Variants in ANO6 observed in about 807,000 individuals in gnomAD.
The protein encoded by ANO6 is anoctamin 6.
ANO6 carries 106 observed loss-of-function variants against 117.5 expected under a neutral mutation model. The ratio of observed to expected loss-of-function variants is 0.90; its 90% CI spans 0.77 to 1.06. The LOEUF is 1.06. Among genes scored for constraint, ANO6 ranks in the 50% least tolerant of loss-of-function variants. The probability of loss-of-function intolerance (pLI) is 0.00; values close to 1 mark genes in which losing one functional copy is unlikely to be tolerated. For synonymous variants in ANO6, 367 were observed against 385.1 expected (o/e 0.95, Z 0.55); for missense variants, 955 against 1,121.1 (o/e 0.85, Z 2.12).
intron 3 of ANO6, among the ~76,000 whole-genome samples, chr12:45,345,302 A>G (rs1159746902): frequency 6.6e-6 from 1 of 152,132 alleles, no homozygotes; most frequent in Admixed American, 6.5e-5. Flanking sequence ...TTACTTTTTG[A>G]CCTTTGGTCT....
At chr12:45,345,810 T>G (rs371728497) in intron 3 of ANO6, among the ~76,000 whole-genome samples, 26 of 152,122 alleles carry the variant, frequency 1.7e-4, no homozygotes, top group African/African-American at 4.8e-4. Context: ...GTCCATTTTG[T>G]GCTGCTGTAA....
In ANO6 at chr12:45,367,929, G is replaced by C. The variant is rs990254431; in HGVS notation, c.1104+136G>C. On this transcript the variant is annotated intron_variant, in intron 9 of 19. Transcript: ENST00000320560. ...TTTCAACTAACCTTTCAAACATTCTGGACATTAATATACAATGCTTTATTC... is the reference window on the plus strand; with the variant it reads ...TTTCAACTAACCTTTCAAACATTCTCGACATTAATATACAATGCTTTATTC... 4 of 699,750 alleles carry C rather than the reference G, an allele frequency of 5.7e-6. No individual in the cohort carries two copies. The African/African-American group carries it at 7.2e-5, about 13-fold the overall frequency. The allele number at this position is 699,750 out of a possible 1,614,324, so 43.3% of individuals were successfully genotyped here.
intron 10 of ANO6, among the ~76,000 whole-genome samples, chr12:45,381,282 A>G (rs574200966): frequency 1.9e-4 from 29 of 152,308 alleles, no homozygotes; most frequent in African/African-American, 6.5e-4. Flanking sequence ...GTTCCAGACA[A>G]CCTTTCTCTT....
intron 18 of ANO6, among the ~76,000 whole-genome samples, chr12:45,422,069 A>G (rs1366511585): frequency 2.0e-5 from 3 of 152,194 alleles, no homozygotes; most frequent in African/African-American, 7.2e-5. Flanking sequence ...GCCTCTTTAC[A>G]ATTCTGCATC....
chr12:45,352,003 G>A (rs916236378), intron 7 of ANO6, among the ~76,000 whole-genome samples: 84 of 152,032 alleles, frequency 5.5e-4, no homozygotes, highest in Admixed American at 2.8e-3. Context: ...GGGGAGTCGG[G>A]TCGACAGGAC....
chr12:45,393,798 G>A (rs1942526862), intron 12 of ANO6, among the ~76,000 whole-genome samples: 2 of 152,162 alleles, frequency 1.3e-5, no homozygotes, highest in South Asian at 4.1e-4. Context: ...CAAATGCTGA[G>A]ACATTTTGTC....
intron 12 of ANO6, among the ~76,000 whole-genome samples, chr12:45,393,760 A>G (rs1942525857): frequency 6.6e-6 from 1 of 152,202 alleles, no homozygotes; most frequent in Admixed American, 6.5e-5. Context: ...TCATAAGTGA[A>G]GGAGAAATAA....
intron 1 of ANO6, among the ~76,000 whole-genome samples, chr12:45,268,583 A>G (rs1938294124): frequency 1.3e-5 from 2 of 152,190 alleles, no homozygotes; most frequent in South Asian, 2.1e-4. Context: ...GAAAAAAATA[A>G]TGAAGAGCTA....
At chr12:45,239,719 T>C (rs1172443361) in intron 1 of ANO6, among the ~76,000 whole-genome samples, 1 of 152,214 alleles carries the variant, frequency 6.6e-6, no homozygotes, top group Non-Finnish European at 1.5e-5. Context: ...CTGCTTTAAA[T>C]GTGTCCCAGA....
intron 7 of ANO6, 135 bp downstream of exon 7, chr12:45,350,909 G>A (rs1941264123): frequency 8.4e-6 from 6 of 716,420 alleles, no homozygotes; most frequent in South Asian, 3.1e-5. Flanking sequence ...CGTTGGCCAG[G>A]GTTTTTATTG....
chr12:45,406,688 A>G (rs1039828768), intron 15 of ANO6, among the ~76,000 whole-genome samples: 6 of 152,204 alleles, frequency 3.9e-5, no homozygotes, highest in Non-Finnish European at 5.9e-5. Context: ...TCCTAAATAT[A>G]GGTGTCCCTC....
At chr12:45,350,344 C>T (rs529631724) in intron 6 of ANO6, among the ~76,000 whole-genome samples, 1 of 151,996 alleles carries the variant, frequency 6.6e-6, no homozygotes, top group Non-Finnish European at 1.5e-5. Context: ...TTGGGTGGCC[C>T]AATTTTTCAT....
rs900298674 is a variant in ANO6, at chr12:45,333,385, A to G, written c.279+1962A>G. On this transcript the variant is annotated intron_variant, in intron 3 of 19. Transcript: ENST00000320560. The stretch of plus-strand genomic sequence containing the variant: ...AGTCACCATCATCAAATATTCATTA[A>G]GTATCCATATGCCAATGGATCTGGA... Among the ~76,000 whole-genome samples the G allele has an allele frequency of 4.6e-5, 7 of 152,208 alleles. No individual in the cohort carries two copies. The East Asian group carries it at 9.7e-4, about 21-fold the overall frequency.
intron 1 of ANO6, among the ~76,000 whole-genome samples, chr12:45,222,620 C>T (rs1366362801): frequency 1.3e-5 from 2 of 152,170 alleles, no homozygotes; most frequent in African/African-American, 4.8e-5. Context: ...CAGAAGCAGG[C>T]CTCAGAAAAC....
At chr12:45,408,973 C>T (rs1253169292) in intron 15 of ANO6, among the ~76,000 whole-genome samples, 1 of 151,942 alleles carries the variant, frequency 6.6e-6, no homozygotes, top group Non-Finnish European at 1.5e-5. Flanking sequence ...ACAGCACTTA[C>T]CACCAGCTCA....
chr12:45,367,811 C>T lies in ANO6; in HGVS notation c.1104+18C>T. ...CCTCAAAGGTAATTTTTGCTATTGC[C>T]AATATTTACACCTAATGAAAGATTT... On this transcript the variant is annotated intron_variant, in intron 9 of 19. Transcript: ENST00000320560. The T allele has an allele frequency of 6.4e-7, 1 of 1,552,332 alleles. No homozygotes were observed. Among genetic ancestry groups the T allele is most frequent in the Non-Finnish European group, 8.9e-7 (1 of 1,124,400 alleles).
chr12:45,368,678 A>G (rs1183819589), intron 9 of ANO6, among the ~76,000 whole-genome samples: 1 of 152,186 alleles, frequency 6.6e-6, no homozygotes, highest in African/African-American at 2.4e-5. Flanking sequence ...ATCCTGACCT[A>G]CGCTTCCCTC....
At chr12:45,381,451 G>T (rs775249552) in intron 10 of ANO6, among the ~76,000 whole-genome samples, 1 of 152,186 alleles carries the variant, frequency 6.6e-6, no homozygotes, top group Non-Finnish European at 1.5e-5. Context: ...ATTTCTGTCT[G>T]TGATCATGCA....
At chr12:45,303,526 A>G (rs1004689326) in intron 2 of ANO6, among the ~76,000 whole-genome samples, 5 of 152,196 alleles carry the variant, frequency 3.3e-5, no homozygotes, top group African/African-American at 9.6e-5. Flanking sequence ...TGGTAAACCT[A>G]TACATAGTTC....
Sources: allele counts gnomAD v4.1 joint callset (sites outside exome capture counted in the v4.1 genomes callset), GRCh38; gene constraint gnomAD v4.1.1; transcripts MANE v1.5; gene names NCBI Gene and HGNC (gene_info 2026-07-23, HGNC 2026-07-21).